RUBCN: variants seen among roughly 807,000 people sequenced by gnomAD.
RUBCN encodes the protein rubicon autophagy regulator, also known as run domain Beclin-1-interacting and cysteine-rich domain-containing protein.
In RUBCN, 74 loss-of-function variants were observed where a neutral mutation model predicts 113.2. The observed-to-expected ratio is 0.65, with a 90% CI of 0.54 to 0.79. The LOEUF (loss-of-function observed/expected upper bound fraction) is 0.79. RUBCN is among the 30% of genes least tolerant of loss of function. RUBCN has a pLI of 0.00. For missense variants in RUBCN, 1,109 were observed against 1,251.7 expected (o/e 0.89, Z 1.72); for synonymous variants, 480 against 490.0 (o/e 0.98, Z 0.27).
intron 16 of RUBCN, among the ~76,000 whole-genome samples, chr3:197,680,916 G>A (rs1280509299): frequency 6.6e-6 from 1 of 151,402 alleles, no homozygotes; most frequent in African/African-American, 2.4e-5. Context: ...ACGGAGAGAC[G>A]GTTATAGCTT....
chr3:197,736,867 G>A lies in RUBCN; in HGVS notation c.-148C>T, dbSNP rs547296854. 5.1e-6 allele frequency: 7 copies of A among 1,377,190 alleles called. No homozygotes were observed. Among genetic ancestry groups the A allele is most frequent in the Admixed American group, 3.6e-5 (1 of 27,592 alleles). 85.3% of individuals were successfully genotyped at this position (1,377,190 alleles called of 1,614,324 possible). On this transcript the variant is annotated 5_prime_UTR_variant, in exon 1 of 20. Coordinates refer to ENST00000296343, the MANE Select transcript of RUBCN (RefSeq NM_014687.4). ...CTACACCCGGGCGGCGACAGCGGGAGGGACCGCCGCCTGGGCTGCGGCTTC... is the reference window on the plus strand; with the variant it reads ...CTACACCCGGGCGGCGACAGCGGGAAGGACCGCCGCCTGGGCTGCGGCTTC...
chr3:197,700,871 G>A lies in RUBCN; in HGVS notation c.1003C>T (p.Arg335Trp), dbSNP rs991833469. Reference sequence around the variant, plus strand: ...CTGTGACTCTGACAGCTGGCAGTCCGGCCTCGGGGGTCCAAGTTGCCAATG... The same window carrying A: ...CTGTGACTCTGACAGCTGGCAGTCCAGCCTCGGGGGTCCAAGTTGCCAATG... ...LAIGNLDPRG[R>W]TASCQSHSSN... Residue 335 changes from arginine to tryptophan, a missense_variant, in exon 7 of 20, where the codon CGG (arginine) becomes TGG (tryptophan). Arg to Trp is a moderately radical substitution (Grantham distance 101). This residue lies in a region of RUBCN where 736 missense variants were observed against 779.6 expected (regional missense o/e 0.94). Transcript: ENST00000296343. 8.1e-6 allele frequency: 13 copies of A among 1,614,188 alleles called. No homozygotes were observed. The highest frequency in any genetic ancestry group is 1.1e-5 in the South Asian group (1 of 91,086).
chr3:197,734,504 T>C (rs1727899606), intron 1 of RUBCN, among the ~76,000 whole-genome samples: 1 of 152,212 alleles, frequency 6.6e-6, no homozygotes, highest in East Asian at 1.9e-4. Flanking sequence ...GCAAGTTACT[T>C]ACCCTGTCCA....
At chr3:197,736,928 A>ACAGCCCCCGGCGAGCACTC (rs1423848913), upstream of RUBCN, 3 of 1,346,290 alleles carry the variant, frequency 2.2e-6, no homozygotes, top group Non-Finnish European at 2.8e-6. Context: ...TCCGGGGACT[A>ACAGCCCCCGGCGAGCACTC]CAGCCCCCGG....
At chr3:197,686,274 A>G (rs1347305348) in intron 11 of RUBCN, among the ~76,000 whole-genome samples, 1 of 152,158 alleles carries the variant, frequency 6.6e-6, no homozygotes, top group East Asian at 1.9e-4. Flanking sequence ...TGAGAGAAAA[A>G]ATCATTCTCT....
chr3:197,749,678 T>C (rs1343411965), exon 1 of RUBCN: 3 of 706,352 alleles, frequency 4.2e-6, no homozygotes, highest in Admixed American at 2.2e-5. Flanking sequence ...TCCCCCAGTT[T>C]GGGCGGAAAG....
In RUBCN at chr3:197,675,169, C is replaced by T. The variant is rs751966172; in HGVS notation, c.2768G>A (p.Cys923Tyr). The change falls in exon 20 of 20, where the codon TGC becomes TAC. Residue 923 changes from cysteine to tyrosine, a missense_variant. By Grantham distance (194) the Cys-to-Tyr change is radical. Transcript: ENST00000296343. This position sits in a 1 kb window ranked among gnomAD's most constrained non-coding sequence, Gnocchi z 4.4. ...GCGCGGACAGCTTCCAGACTTGAAG[C>T]AGGCTTTATGGTAACACGCTTTACA... ...EECKACYHKA[C>Y]FKSGSCPRCE... 16 of 1,614,004 alleles carry T rather than the reference C, an allele frequency of 9.9e-6. No individual in the cohort carries two copies. The highest frequency in any genetic ancestry group is 2.7e-5 in the African/African-American group (2 of 74,954).
At chr3:197,710,319 G>A (rs1724814050) in intron 2 of RUBCN, among the ~76,000 whole-genome samples, 1 of 152,136 alleles carries the variant, frequency 6.6e-6, no homozygotes. Flanking sequence ...GTCAAAAGAC[G>A]GCCGGGCGCG....
chr3:197,730,387 C>T (rs1287784940), intron 1 of RUBCN, among the ~76,000 whole-genome samples: 1 of 152,120 alleles, frequency 6.6e-6, no homozygotes, highest in African/African-American at 2.4e-5. Context: ...TTTGCTGGAG[C>T]TGCTGGGACT....
At chr3:197,678,220 C>T (rs1720692615) in intron 16 of RUBCN, among the ~76,000 whole-genome samples, 2 of 151,802 alleles carry the variant, frequency 1.3e-5, no homozygotes, top group African/African-American at 4.8e-5. Context: ...CTGTTGTATG[C>T]TCTAACTCGA....
intron 5 of RUBCN, among the ~76,000 whole-genome samples, chr3:197,702,811 CAAATTTTCTTTGTACTATA>C (rs988350626): frequency 5.1e-4 from 77 of 152,166 alleles, no homozygotes; most frequent in African/African-American, 1.8e-3. Flanking sequence ...TTTTAGGCAA[CAAATTTTCTTTGTACTATA>C]AAATTTTCTT....
Position 197,673,471 on chromosome 3 carries a change from G to A in RUBCN, c.*1547C>T, listed in dbSNP as rs572025220. The A allele has an allele frequency of 1.3e-5, 2 of 152,396 alleles. No homozygotes were observed. Among genetic ancestry groups the A allele is most frequent in the South Asian group, 4.1e-4 (2 of 4,828 alleles). The allele number at this position is 152,396 out of a possible 1,614,324, so 9.4% of individuals were successfully genotyped here. A position where few individuals can be genotyped will look rare whatever the true frequency, so the allele number is the denominator to read the frequency against. On this transcript the variant is annotated 3_prime_UTR_variant, in exon 20 of 20. Transcript: ENST00000296343. The stretch of plus-strand genomic sequence containing the variant: ...TCCTACCAGCAAGCAACTATGAGAA[G>A]ACATGCCCATGGGCAGAATTCAATC...
intron 2 of RUBCN, among the ~76,000 whole-genome samples, chr3:197,705,955 G>A (rs1056719032): frequency 6.6e-6 from 1 of 152,078 alleles, no homozygotes; most frequent in Non-Finnish European, 1.5e-5. Flanking sequence ...CTCAAACTCC[G>A]AGCCTCAAGT....
At chr3:197,724,739 AAAAAGCAGAATGT>A (rs1726550713) in intron 1 of RUBCN, among the ~76,000 whole-genome samples, 1 of 152,260 alleles carries the variant, frequency 6.6e-6, no homozygotes, top group African/African-American at 2.4e-5. Flanking sequence ...ATTAAAGTAT[AAAAAGCAGAATGT>A]AAAATTAGAT....
At chr3:197,676,543 C>T in intron 18 of RUBCN, 2 of 1,041,954 alleles carry the variant, frequency 1.9e-6, no homozygotes, top group Non-Finnish European at 2.5e-6. Context: ...GAACTCCTGA[C>T]CTCAGGTGAC....
intron 2 of RUBCN, among the ~76,000 whole-genome samples, chr3:197,712,661 T>C (rs981219097): frequency 5.3e-5 from 8 of 152,186 alleles, no homozygotes; most frequent in African/African-American, 1.9e-4. Context: ...TGTGTCCATA[T>C]GACAAATCTG....
intron 1 of RUBCN, among the ~76,000 whole-genome samples, chr3:197,731,366 C>CA (rs1194553450): frequency 6.6e-6 from 1 of 152,224 alleles, no homozygotes; most frequent in Non-Finnish European, 1.5e-5. Context: ...TAGTACAGAA[C>CA]AAAATGAAAA....
chr3:197,681,888 G>A lies in RUBCN; in HGVS notation c.2138C>T (p.Ala713Val), dbSNP rs1221739043. 6 of 1,613,632 alleles carry A rather than the reference G, an allele frequency of 3.7e-6. No individual in the cohort carries two copies. The Admixed American group carries it at 1.0e-4, about 27-fold the overall frequency. Residue 713 changes from alanine (A) to valine (V), a missense_variant, in exon 15 of 20, where the codon GCC (alanine) becomes GTC (valine). Ala to Val is a moderately conservative substitution (Grantham distance 64). Transcript: ENST00000296343. This position sits in a 1 kb window ranked among gnomAD's most constrained non-coding sequence, Gnocchi z 5.5. ...NVHPAPTRKI[A>V]VAKQNYRCAG... Reference sequence around the variant, plus strand: ...ACAGCGGTAATTCTGCTTGGCCACGGCAATTTTCCTCCTGAGGAAGGGTAA... The same window carrying A: ...ACAGCGGTAATTCTGCTTGGCCACGACAATTTTCCTCCTGAGGAAGGGTAA...
In RUBCN at chr3:197,718,030, G is replaced by A. The variant is rs747642944; in HGVS notation, c.166C>T (p.Arg56Trp). ...NVWSKYGGLE[R>W]LCRDMQSILY... Reference sequence around the variant, plus strand: ...ATGCTCTGCATGTCCCTGCAAAGCCGCTCCAAGCCACCATACTTAGACCAG... The same window carrying A: ...ATGCTCTGCATGTCCCTGCAAAGCCACTCCAAGCCACCATACTTAGACCAG... Residue 56 changes from arginine to tryptophan, a missense_variant, in exon 2 of 20, where the codon CGG becomes TGG. Around this residue, in one of 3 missense-constraint regions of RUBCN, gnomAD observed 736 missense variants for 779.6 expected, o/e 0.94. Coordinates refer to ENST00000296343, the MANE Select transcript of RUBCN (RefSeq NM_014687.4). 1.4e-5 allele frequency: 23 copies of A among 1,613,984 alleles called. No individual in the cohort carries two copies. Among genetic ancestry groups the A allele is most frequent in the East Asian group, 4.5e-5 (2 of 44,896 alleles).
Sources: allele counts gnomAD v4.1 joint callset (sites outside exome capture counted in the v4.1 genomes callset), GRCh38; gene constraint gnomAD v4.1.1; regional missense constraint gnomAD v4.1.1; non-coding constraint Gnocchi (gnomAD v3.1); transcripts MANE v1.5; gene names NCBI Gene and HGNC (gene_info 2026-07-23, HGNC 2026-07-21).